The following AFF1 variants were observed in gnomAD, a reference collection of about 807,000 sequenced individuals.
AFF1 encodes AF4/FMR2 family member 1.
AFF1 carries 48 observed loss-of-function variants against 121.7 expected under a neutral mutation model. That is an observed-to-expected ratio of 0.39 (90% CI 0.31 to 0.50). AFF1 has a LOEUF of 0.50. Ranked by LOEUF, AFF1 falls within the 20% of genes least tolerant of loss-of-function variation. The pLI is 0.76. For synonymous variants in AFF1, 613 were observed against 563.0 expected (o/e 1.09, Z -1.26); for missense variants, 1,523 against 1,511.7 (o/e 1.01, Z -0.12).
intron 2 of AFF1, among the ~76,000 whole-genome samples, chr4:87,009,229 G>A (rs1428715234): frequency 6.6e-6 from 1 of 152,226 alleles, no homozygotes; most frequent in Non-Finnish European, 1.5e-5. Flanking sequence ...ACATTTGTTA[G>A]TTGAGGAAAC....
chr4:87,113,838 C>T (rs994866133), intron 11 of AFF1, among the ~76,000 whole-genome samples: 3 of 151,774 alleles, frequency 2.0e-5, no homozygotes, highest in African/African-American at 7.3e-5. Flanking sequence ...TGCACTCCAG[C>T]CTGGGCGACA....
intron 2 of AFF1, chr4:87,007,256 G>T: frequency 2.7e-6 from 4 of 1,502,548 alleles, no homozygotes; most frequent in Non-Finnish European, 3.5e-6. Context: ...GGACGCCCGG[G>T]GCTCGAGAGC....
chr4:87,007,361 G>T, intron 2 of AFF1: 2 of 1,612,898 alleles, frequency 1.2e-6, no homozygotes, highest in Middle Eastern at 1.7e-4. Context: ...GGCCCGCGGG[G>T]TGAAGGCGCT....
At chr4:87,102,673 CAG>C (rs1287613378) in intron 8 of AFF1, among the ~76,000 whole-genome samples, 1 of 151,864 alleles carries the variant, frequency 6.6e-6, no homozygotes, top group African/African-American at 2.4e-5. Context: ...AGTTTCTAGA[CAG>C]AATATAAAAG....
At chr4:87,073,913 G>A (rs1169915886) in intron 4 of AFF1, among the ~76,000 whole-genome samples, 1 of 152,134 alleles carries the variant, frequency 6.6e-6, no homozygotes, top group Non-Finnish European at 1.5e-5. Context: ...ATTTAATAGT[G>A]TTTTGACTCA....
rs1431171257 is a variant in AFF1, at chr4:87,108,048, G to A, written c.1377-111G>A. 53 of 1,153,776 alleles carry A rather than the reference G, an allele frequency of 4.6e-5. 1 individual carries two copies. The highest frequency in any genetic ancestry group is 6.1e-5 in the Non-Finnish European group (51 of 829,846). The allele number at this position is 1,153,776 out of a possible 1,614,324, so 71.5% of individuals were successfully genotyped here. On this transcript the variant is annotated intron_variant, in intron 10 of 20. Transcript: ENST00000395146. Reference sequence around the variant, plus strand: ...TTGGATGACATGATAGTTTAGCAGTGTATCTAATACCAAGGCCCGCCCTTT... The same window carrying A: ...TTGGATGACATGATAGTTTAGCAGTATATCTAATACCAAGGCCCGCCCTTT...
rs540103332 is a variant in AFF1, at chr4:86,945,823, T to C, written c.-36-2675T>C. Among the ~76,000 whole-genome samples the C allele has an allele frequency of 2.0e-5, 3 of 152,214 alleles. No homozygotes were observed. In the South Asian group the frequency reaches 6.2e-4, roughly 32 times the overall value. On this transcript the variant is annotated intron_variant, in intron 1 of 20. Coordinates refer to ENST00000395146, the MANE Select transcript of AFF1 (RefSeq NM_001166693.3). Reference sequence around the variant, plus strand: ...GGATTATATTGAAAGATTGATAGCATAACAGAATAAAAGGTGAAAATGCCC... The same window carrying C: ...GGATTATATTGAAAGATTGATAGCACAACAGAATAAAAGGTGAAAATGCCC...
At chr4:86,984,106 A>C (rs1284123899) in intron 2 of AFF1, among the ~76,000 whole-genome samples, 1 of 152,220 alleles carries the variant, frequency 6.6e-6, no homozygotes, top group Non-Finnish European at 1.5e-5. Context: ...AGCCTACTAA[A>C]TATTACTTTT....
chr4:87,128,298 C>T (rs1401677148), intron 16 of AFF1, among the ~76,000 whole-genome samples: 1 of 152,176 alleles, frequency 6.6e-6, no homozygotes, highest in East Asian at 1.9e-4. Context: ...CATGAATTCT[C>T]TTTACCTATT....
intron 2 of AFF1, among the ~76,000 whole-genome samples, chr4:87,020,374 G>A (rs904450052): frequency 4.6e-5 from 7 of 152,144 alleles, no homozygotes; most frequent in African/African-American, 1.7e-4. Flanking sequence ...TCTTATTTCT[G>A]TATTCTTATT....
intron 2 of AFF1, among the ~76,000 whole-genome samples, chr4:86,982,420 A>G (rs1272536122): frequency 2.7e-5 from 3 of 111,432 alleles, no homozygotes; most frequent in Non-Finnish European, 5.3e-5. Context: ...TTTTTTTTAC[A>G]AAGTGCTGTA....
Position 86,949,537 on chromosome 4 carries a change from ATTTTTTTTT to A in AFF1, c.38+977_38+985del, listed in dbSNP as rs754229542. On this transcript the variant is annotated intron_variant, in intron 2 of 20. Transcript: ENST00000395146. The stretch of plus-strand genomic sequence containing the variant: ...CTATTTATTAATTATTATTATTATT[ATTTTTTTTT>A]TTTTTTTTTTCCCGACTGGGGCAGG... The A allele has an allele frequency of 2.8e-3, 700 of 248,372 alleles. 34 individuals carry two copies. The highest frequency in any genetic ancestry group is 0.011 in the African/African-American group (317 of 29,044). The allele number at this position is 248,372 out of a possible 1,614,324, so 15.4% of individuals were successfully genotyped here.
At chr4:87,099,595 G>T (rs1725215636) in intron 8 of AFF1, among the ~76,000 whole-genome samples, 1 of 152,124 alleles carries the variant, frequency 6.6e-6, no homozygotes, top group Admixed American at 6.5e-5. Flanking sequence ...TTTTAGTAGA[G>T]ACGGGGTTTC....
Position 87,103,044 on chromosome 4 carries a change from A to G in AFF1, c.1284-2584A>G, listed in dbSNP as rs992169840. ...ACCTGTCATCAAACTGTCTTCAGCT[A>G]CATAGATTTTCTGTTTAAAAAAAAT... On this transcript the variant is annotated intron_variant, in intron 8 of 20. Coordinates refer to ENST00000395146, the MANE Select transcript of AFF1 (RefSeq NM_001166693.3). Among the ~76,000 whole-genome samples, 7 of 152,362 alleles carry G rather than the reference A, an allele frequency of 4.6e-5. 1 individual carries two copies. The highest frequency in any genetic ancestry group is 1.3e-4 in the Admixed American group (2 of 15,298).
rs749217869 is a variant in AFF1, at chr4:87,114,677, C to T, written c.1844C>T (p.Pro615Leu). ...GTTGGAACCAAACAACCCAAAAAAC[C>T]TGTCAAGGCCTCTGCCCGGGCAGGT... is the stretch of plus-strand genomic sequence containing the variant. ...QTVGTKQPKK[P>L]VKASARAGSR... Residue 615 changes from proline (P) to leucine (L), a missense_variant, in exon 12 of 21, where the codon CCT (proline) becomes CTT (leucine). By Grantham distance (98) the Pro-to-Leu change is moderately conservative. Coordinates refer to ENST00000395146, the MANE Select transcript of AFF1 (RefSeq NM_001166693.3). 14 of 1,613,678 alleles carry T rather than the reference C, an allele frequency of 8.7e-6. No homozygotes were observed. Among genetic ancestry groups the T allele is most frequent in the Non-Finnish European group, 1.1e-5 (13 of 1,179,964 alleles).
At chr4:86,955,797 T>C (rs1441266804) in intron 2 of AFF1, among the ~76,000 whole-genome samples, 5 of 152,288 alleles carry the variant, frequency 3.3e-5, no homozygotes, top group African/African-American at 1.2e-4. Flanking sequence ...TTTCAGTTTT[T>C]GGGAAGATTT....
Position 87,040,811 on chromosome 4 carries a change from G to A in AFF1, c.39-5355G>A, listed in dbSNP as rs187849796. On this transcript the variant is annotated intron_variant, in intron 2 of 20. Transcript: ENST00000395146. ...TGGTCTCAAACTCCCAACCTCAGGC[G>A]ATCCACCCTCCTCAGCCCCCCAAAG... is the stretch of plus-strand genomic sequence containing the variant. Among the ~76,000 whole-genome samples the A allele has an allele frequency of 1.0e-4, 15 of 147,784 alleles. No individual in the cohort carries two copies. In the East Asian group the frequency reaches 2.6e-3, roughly 26 times the overall value.
intron 2 of AFF1, among the ~76,000 whole-genome samples, chr4:86,982,583 C>T (rs780015628): frequency 3.0e-4 from 46 of 150,976 alleles, no homozygotes; most frequent in Non-Finnish European, 3.8e-4. Context: ...TTGGGCTGGG[C>T]GTGGTGGCTC....
Position 86,945,284 on chromosome 4 carries a change from T to C in AFF1, c.-36-3214T>C, listed in dbSNP as rs192242606. Among the ~76,000 whole-genome samples the C allele has an allele frequency of 1.5e-3, 222 of 151,634 alleles. 1 individual carries two copies. The highest frequency in any genetic ancestry group is 2.2e-3 in the Non-Finnish European group (151 of 67,944). On this transcript the variant is annotated intron_variant, in intron 1 of 20. Coordinates refer to ENST00000395146, the MANE Select transcript of AFF1 (RefSeq NM_001166693.3). ...TGTACAGCACTACTCTGTTTTTAAA[T>C]AGAGCCAAGTTAGTATCTTCCTTAT... is the stretch of plus-strand genomic sequence containing the variant.
Sources: gnomAD v4.1 joint callset for allele counts (sites outside exome capture counted in the v4.1 genomes callset) on GRCh38, gnomAD v4.1.1 for gene constraint, MANE v1.5 for transcripts, NCBI Gene and HGNC (gene_info 2026-07-23, HGNC 2026-07-21) for gene names.